NXN: variants seen among roughly 807,000 people sequenced by gnomAD.
The protein encoded by NXN is nucleoredoxin.
Under a neutral mutation model 48.6 loss-of-function variants are expected in NXN, and 16 were observed. The observed-to-expected ratio is 0.33, with a 90% CI of 0.22 to 0.50. The LOEUF is 0.50. Ranked by LOEUF, NXN falls within the 20% of genes least tolerant of loss-of-function variation. NXN has a pLI of 0.98. For missense variants in NXN, 492 were observed against 605.5 expected, an observed-to-expected ratio of 0.81 and a Z score of 1.97; for synonymous variants, 281 against 269.6, an observed-to-expected ratio of 1.04 and a Z score of -0.41.
At chr17:875,169 T>C (rs2068200328) in intron 1 of NXN, among the ~76,000 whole-genome samples, 1 of 152,026 alleles carries the variant, frequency 6.6e-6, no homozygotes, top group Non-Finnish European at 1.5e-5. Flanking sequence ...GTAGCTGGGA[T>C]TACAGGCGCA....
chr17:874,165 T>G (rs2068189720), intron 1 of NXN, among the ~76,000 whole-genome samples: 1 of 152,174 alleles, frequency 6.6e-6, no homozygotes, highest in African/African-American at 2.4e-5. Flanking sequence ...CCCCTTCTGC[T>G]CATCCTTCTC....
At chr17:881,375 A>G (rs1234918053) in intron 1 of NXN, among the ~76,000 whole-genome samples, 1 of 152,148 alleles carries the variant, frequency 6.6e-6, no homozygotes, top group Admixed American at 6.5e-5. Context: ...AGCTGGGATT[A>G]GAAACGCGTA....
chr17:826,110 A>C (rs760203158), intron 1 of NXN, 32 bp from the exon 2 acceptor site: 1 of 1,399,370 alleles, frequency 7.1e-7, no homozygotes, highest in Non-Finnish European at 1.0e-6. Context: ...AAGGTGGTTA[A>C]GTCCAAACCA....
At chr17:944,351 C>A (rs117481530) in intron 1 of NXN, among the ~76,000 whole-genome samples, 1 of 152,322 alleles carries the variant, frequency 6.6e-6, no homozygotes, top group East Asian at 1.9e-4. Context: ...CATATTGGCC[C>A]CAAACTCCAA....
At chr17:803,204 C>T (rs941820397) in intron 7 of NXN, among the ~76,000 whole-genome samples, 9 of 152,192 alleles carry the variant, frequency 5.9e-5, no homozygotes, top group East Asian at 5.8e-4. Context: ...GTGAAACAGA[C>T]GGGGAGCGGC....
chr17:872,613 CTTTTTTTTTTTTTTT>C (rs34081114), intron 1 of NXN, among the ~76,000 whole-genome samples: 3 of 75,418 alleles, frequency 4.0e-5, no homozygotes, highest in African/African-American at 1.6e-4. Flanking sequence ...CGGGTGAGAT[CTTTTTTTTTTTTTTT>C]TTTTTTTTTG....
intron 6 of NXN, 25 bp downstream of exon 6, chr17:805,043 C>T (rs1428452984): frequency 1.3e-6 from 2 of 1,548,082 alleles, no homozygotes; most frequent in South Asian, 1.2e-5. Context: ...CCACCCCTCG[C>T]CCCCTGCCCC....
intron 1 of NXN, among the ~76,000 whole-genome samples, chr17:840,400 C>T (rs566814986): frequency 5.3e-5 from 8 of 151,992 alleles, no homozygotes; most frequent in Non-Finnish European, 7.4e-5. Flanking sequence ...GGTGAAGTGG[C>T]GCCATCTCGG....
chr17:950,460 G>A (rs1369172449), intron 1 of NXN, among the ~76,000 whole-genome samples: 2 of 151,600 alleles, frequency 1.3e-5, no homozygotes, highest in East Asian at 3.9e-4. Context: ...GGTGTGTGGG[G>A]TGCAAACGGC....
intron 1 of NXN, among the ~76,000 whole-genome samples, chr17:898,386 T>TGGTA (rs1567854295): frequency 1.3e-5 from 1 of 77,888 alleles, no homozygotes; most frequent in African/African-American, 3.0e-5. Context: ...CTTTACCTAC[T>TGGTA]AATTCCCACT....
chr17:876,404 T>G (rs921589577), intron 1 of NXN, among the ~76,000 whole-genome samples: 1 of 152,066 alleles, frequency 6.6e-6, no homozygotes, highest in Non-Finnish European at 1.5e-5. Context: ...CTCAAGGAAG[T>G]CAACACAGGC....
At chr17:900,640 G>C (rs1397469184) in intron 1 of NXN, among the ~76,000 whole-genome samples, 1 of 152,092 alleles carries the variant, frequency 6.6e-6, no homozygotes, top group Non-Finnish European at 1.5e-5. Flanking sequence ...AATGATACTA[G>C]TTTTTCAAAT....
At chr17:891,496 C>T (rs537423210) in intron 1 of NXN, among the ~76,000 whole-genome samples, 1 of 152,314 alleles carries the variant, frequency 6.6e-6, no homozygotes, top group African/African-American at 2.4e-5. Flanking sequence ...AACCAGAGAA[C>T]ACTGAGGATA....
intron 1 of NXN, chr17:959,251 C>T: frequency 1.4e-6 from 1 of 702,388 alleles, no homozygotes. Context: ...CCAGCCCCTC[C>T]AAAGCCTTCC....
intron 1 of NXN, among the ~76,000 whole-genome samples, chr17:973,099 G>C (rs1439193421): frequency 6.6e-6 from 1 of 151,876 alleles, no homozygotes; most frequent in African/African-American, 2.4e-5. Context: ...CTGTGCTCTA[G>C]CTCACATTCC....
At chr17:884,214 C>A (rs1271328610) in intron 1 of NXN, among the ~76,000 whole-genome samples, 3 of 127,858 alleles carry the variant, frequency 2.3e-5, no homozygotes, top group Admixed American at 7.4e-5. Flanking sequence ...GAGCAAGACT[C>A]TGACTCAAAA....
At chr17:817,465 C>T (rs185458276) in intron 5 of NXN, among the ~76,000 whole-genome samples, 28 of 151,362 alleles carry the variant, frequency 1.8e-4, no homozygotes, top group South Asian at 8.3e-4. Flanking sequence ...GTCAAGAGAT[C>T]GAGACCATCC....
intron 5 of NXN, 65 bp downstream of exon 5, chr17:819,374 G>T: frequency 9.0e-7 from 1 of 1,117,262 alleles, no homozygotes; most frequent in Admixed American, 1.7e-5. Flanking sequence ...GAAAGCCAAA[G>T]ACACGGTGAG....
intron 1 of NXN, among the ~76,000 whole-genome samples, chr17:928,403 G>C (rs2068822542): frequency 6.6e-6 from 1 of 152,136 alleles, no homozygotes; most frequent in Non-Finnish European, 1.5e-5. Context: ...AATGTGAACT[G>C]GTAACTGGCC....
Sources: allele counts gnomAD v4.1 joint callset (sites outside exome capture counted in the v4.1 genomes callset), GRCh38; gene constraint gnomAD v4.1.1; transcripts MANE v1.5; gene names NCBI Gene and HGNC (gene_info 2026-07-23, HGNC 2026-07-21).